The following TTC34 variants were observed in gnomAD, a reference collection of about 807,000 sequenced individuals.
TTC34 encodes tetratricopeptide repeat domain 34.
Under a neutral mutation model 40.7 loss-of-function variants are expected in TTC34, and 44 were observed. That is an observed-to-expected ratio of 1.08 (90% CI 0.85 to 1.39). The LOEUF (loss-of-function observed/expected upper bound fraction) is 1.39. Among genes scored for constraint, TTC34 ranks in the 40% most tolerant of loss-of-function variants. TTC34 has a pLI of 0.00. For synonymous variants in TTC34, 422 were observed against 398.6 expected, an observed-to-expected ratio of 1.06 and a Z score of -0.70; for missense variants, 884 against 838.0, an observed-to-expected ratio of 1.05 and a Z score of -0.68.
At chr1:2,787,763 C>G (rs1569965788) in intron 3 of TTC34, 57 bp from the exon 4 acceptor site, 1 of 1,394,478 alleles carries the variant, frequency 7.2e-7, no homozygotes, top group Middle Eastern at 2.0e-4. Flanking sequence ...TCCACCTGCC[C>G]AGGTGATTGG....
chr1:2,653,327 C>A (rs533720946), intron 6 of TTC34, among the ~76,000 whole-genome samples: 112 of 82,356 alleles, frequency 1.4e-3, no homozygotes, highest in Admixed American at 4.7e-3. Context: ...AGCACACACA[C>A]CCCCAGGTGA....
rs1215361286 is a variant in TTC34 at position 2,751,377 on chromosome 1, G to A, written c.2226+32232C>T. On this transcript the variant is annotated intron_variant, in intron 6 of 8. Coordinates refer to ENST00000401095, the Ensembl canonical transcript of TTC34. ...GGTCGGCACCCACACCCCCAGGTGC[G>A]CATCTGATGGTCTGGAGCAGCACCC... 1.8e-4 allele frequency among the ~76,000 whole-genome samples: 27 copies of A among 146,140 alleles called. 1 individual carries two copies. Among genetic ancestry groups the A allele is most frequent in the East Asian group, 1.0e-3 (5 of 4,898 alleles).
chr1:2,785,318 A>T (rs1007345637), intron 5 of TTC34, among the ~76,000 whole-genome samples: 1 of 76,382 alleles, frequency 1.3e-5, no homozygotes, highest in Admixed American at 1.4e-4. Context: ...GATCCCTGCG[A>T]GTCCTGGGAA....
At chr1:2,698,533 G>A (rs560252137) in intron 6 of TTC34, among the ~76,000 whole-genome samples, 1 of 140,216 alleles carries the variant, frequency 7.1e-6, no homozygotes, top group Non-Finnish European at 1.5e-5. Flanking sequence ...CACACCCCCA[G>A]GTGAGCATCG....
intron 6 of TTC34, among the ~76,000 whole-genome samples, chr1:2,754,856 CAT>C (rs1641453198): frequency 9.6e-6 from 1 of 103,934 alleles, no homozygotes. Flanking sequence ...ACAGCACCCA[CAT>C]GCCCAGCTGA....
intron 6 of TTC34, among the ~76,000 whole-genome samples, chr1:2,647,780 G>C (rs1405682371): frequency 1.3e-5 from 2 of 152,182 alleles, no homozygotes; most frequent in Non-Finnish European, 2.9e-5. Context: ...ATGATGCTCA[G>C]CTCAGCTCTC....
At chr1:2,641,918 G>A in intron 8 of TTC34, 23 bp from the exon 9 acceptor site, 1 of 1,447,408 alleles carries the variant, frequency 6.9e-7, no homozygotes, top group African/African-American at 1.4e-5. Flanking sequence ...CACAGAGAGA[G>A]GCAGGGAGAG....
intron 6 of TTC34, among the ~76,000 whole-genome samples, chr1:2,652,329 C>A (rs796331243): frequency 2.1e-4 from 28 of 132,728 alleles, no homozygotes; most frequent in Admixed American, 3.7e-4. Flanking sequence ...CCCACACCCC[C>A]AGGTGAGCAT....
chr1:2,748,157 C>A (rs1384804958), intron 6 of TTC34, among the ~76,000 whole-genome samples: 3 of 50,978 alleles, frequency 5.9e-5, no homozygotes, highest in Non-Finnish European at 9.9e-5. Context: ...GCAGCACCCA[C>A]ACCCCCAGGC....
At chr1:2,777,853 G>A (rs997327298) in intron 6 of TTC34, among the ~76,000 whole-genome samples, 3 of 152,234 alleles carry the variant, frequency 2.0e-5, no homozygotes, top group African/African-American at 4.8e-5. Context: ...AGCGGGAGGA[G>A]GGGACAGGAT....
chr1:2,644,614 G>T lies in TTC34; in HGVS notation c.2498-136C>A, dbSNP rs553288645. 3.4e-5 allele frequency: 31 copies of T among 910,344 alleles called. No homozygotes were observed. The African/African-American group carries it at 5.0e-4, about 15-fold the overall frequency. 56.4% of individuals were successfully genotyped at this position (910,344 alleles called of 1,614,324 possible). A position where few individuals can be genotyped will look rare whatever the true frequency, so the allele number is the denominator to read the frequency against. ...GATGATGGCTCAGCCCAGGAAGAAGGAGCTGGGAGCAGAGGTGCACCGTGA... is the reference window on the plus strand; with the variant it reads ...GATGATGGCTCAGCCCAGGAAGAAGTAGCTGGGAGCAGAGGTGCACCGTGA... On this transcript the variant is annotated intron_variant, in intron 7 of 8. Coordinates refer to ENST00000401095, the Ensembl canonical transcript of TTC34.
intron 6 of TTC34, among the ~76,000 whole-genome samples, chr1:2,688,701 A>T: frequency 8.5e-6 from 1 of 118,232 alleles, no homozygotes; most frequent in Non-Finnish European, 1.7e-5. Context: ...CCCCCAGGAG[A>T]GCATCTGACA....
intron 6 of TTC34, among the ~76,000 whole-genome samples, chr1:2,691,963 C>T (rs767972983): frequency 3.9e-5 from 3 of 77,874 alleles, no homozygotes; most frequent in Non-Finnish European, 8.7e-5. Context: ...GAGCATCTGA[C>T]AGACTGGAAC....
intron 6 of TTC34, among the ~76,000 whole-genome samples, chr1:2,652,152 A>G (rs371263499): frequency 5.0e-4 from 13 of 25,832 alleles, no homozygotes; most frequent in South Asian, 1.1e-3. Context: ...ACAGCCTGGA[A>G]CACAACCCAC....
At chr1:2,682,024 A>T (rs1640098631) in intron 6 of TTC34, among the ~76,000 whole-genome samples, 1 of 98,006 alleles carries the variant, frequency 1.0e-5, no homozygotes, top group Admixed American at 1.0e-4. Flanking sequence ...CAACACCCAT[A>T]CCCACAGGTG....
chr1:2,685,138 G>T (rs1385060219), intron 6 of TTC34, among the ~76,000 whole-genome samples: 2 of 111,214 alleles, frequency 1.8e-5, no homozygotes, highest in African/African-American at 8.2e-5. Flanking sequence ...AGCATCGGAC[G>T]GCCTGGAACA....
At chr1:2,798,909 G>A (rs1407389744) in intron 2 of TTC34, among the ~76,000 whole-genome samples, 1 of 103,654 alleles carries the variant, frequency 9.6e-6, no homozygotes, top group Non-Finnish European at 2.0e-5. Flanking sequence ...CAGCCTCTCA[G>A]CCTCCAAGCC....
At chr1:2,650,112 A>G (rs1026239237) in intron 6 of TTC34, among the ~76,000 whole-genome samples, 4 of 151,154 alleles carry the variant, frequency 2.6e-5, no homozygotes, top group Non-Finnish European at 5.9e-5. Context: ...AACATCTGAC[A>G]GCCTGGAATG....
intron 5 of TTC34, among the ~76,000 whole-genome samples, chr1:2,784,385 A>C (rs1643543671): frequency 6.6e-6 from 1 of 152,238 alleles, no homozygotes; most frequent in Admixed American, 6.5e-5. Context: ...AAAGTGGACA[A>C]GGAACGTGAC....
Sources: allele counts gnomAD v4.1 joint callset (sites outside exome capture counted in the v4.1 genomes callset), GRCh38; gene constraint gnomAD v4.1.1; transcripts MANE v1.5; gene names NCBI Gene and HGNC (gene_info 2026-07-23, HGNC 2026-07-21).